Variants in AGMO observed in about 807,000 individuals in gnomAD.
The protein encoded by AGMO is glyceryl-ether monooxygenase.
In AGMO, 75 loss-of-function variants were observed where a neutral mutation model predicts 60.2. The ratio of observed to expected loss-of-function variants is 1.25; its 90% CI spans 1.03 to 1.51. The LOEUF is 1.51. AGMO is among the 40% of genes most tolerant of loss of function. The pLI is 0.00. For synonymous variants in AGMO, 261 were observed against 177.1 expected, an observed-to-expected ratio of 1.47 and a Z score of -3.76; for missense variants, 763 against 525.5, an observed-to-expected ratio of 1.45 and a Z score of -4.42.
rs1291078592 is a variant in AGMO at position 15,243,189 on chromosome 7, A to T, written c.1264-41830T>A. On this transcript the variant is annotated intron_variant, in intron 12 of 12. Transcript: ENST00000342526. ...ATTGCTTTTATAATCCTACTCACTAAATCCAAATCATCAGGAAAATGAACA... is the reference window on the plus strand; with the variant it reads ...ATTGCTTTTATAATCCTACTCACTATATCCAAATCATCAGGAAAATGAACA... Among the ~76,000 whole-genome samples, 3 of 152,252 alleles carry T rather than the reference A, an allele frequency of 2.0e-5. No individual in the cohort carries two copies. In the East Asian group the frequency reaches 5.8e-4, roughly 29 times the overall value.
At chr7:15,548,191 G>C (rs1037442766) in intron 2 of AGMO, among the ~76,000 whole-genome samples, 6 of 152,136 alleles carry the variant, frequency 3.9e-5, no homozygotes, top group African/African-American at 1.2e-4. Context: ...AAGACCAAAA[G>C]TAGATAAAAC....
intron 3 of AGMO, among the ~76,000 whole-genome samples, chr7:15,431,657 G>C (rs566676253): frequency 4.4e-4 from 67 of 151,886 alleles, no homozygotes; most frequent in Admixed American, 3.3e-3. Context: ...TAAGTTCTCA[G>C]GTACTCTTTT....
At chr7:15,396,488 G>C (rs553574506) in intron 5 of AGMO, 1 of 152,230 alleles carries the variant, frequency 6.6e-6, no homozygotes, top group Non-Finnish European at 1.5e-5. Context: ...ACGTGGCAGG[G>C]ACCCAAAGAA....
intron 4 of AGMO, among the ~76,000 whole-genome samples, chr7:15,427,262 T>C (rs1189252043): frequency 6.6e-6 from 1 of 152,174 alleles, no homozygotes; most frequent in Non-Finnish European, 1.5e-5. Context: ...CACATGCACG[T>C]GTAGCTGTGT....
chr7:15,357,190 CGT>C (rs36124819), intron 12 of AGMO, among the ~76,000 whole-genome samples: 7,573 of 144,314 alleles, frequency 0.052, 215 homozygotes, highest in African/African-American at 0.074. Context: ...TATGAATATT[CGT>C]GTGTGTGTGT....
chr7:15,351,304 C>T (rs1230991581), intron 12 of AGMO, among the ~76,000 whole-genome samples: 2 of 151,978 alleles, frequency 1.3e-5, no homozygotes, highest in African/African-American at 4.8e-5. Context: ...CTCACTTCTC[C>T]GCCATTATGT....
the AGMO span, among the ~76,000 whole-genome samples, chr7:15,173,471 A>G: frequency 1.3e-5 from 2 of 152,202 alleles, no homozygotes; most frequent in African/African-American, 4.8e-5. Flanking sequence ...AGCAAGATCT[A>G]GCCCCTGTAA....
intron 5 of AGMO, among the ~76,000 whole-genome samples, chr7:15,412,108 G>T (rs78755492): frequency 6.6e-6 from 1 of 151,958 alleles, no homozygotes; most frequent in African/African-American, 2.4e-5. Context: ...GAAAACTTCT[G>T]CTTTCTATTA....
At chr7:15,536,959 T>C (rs1283867672) in intron 3 of AGMO, among the ~76,000 whole-genome samples, 1 of 152,074 alleles carries the variant, frequency 6.6e-6, no homozygotes, top group Non-Finnish European at 1.5e-5. Context: ...TTTTGTGTGC[T>C]AATGCATCAT....
chr7:15,489,636 G>A (rs560923036), intron 3 of AGMO, among the ~76,000 whole-genome samples: 27 of 152,082 alleles, frequency 1.8e-4, no homozygotes, highest in Non-Finnish European at 3.7e-4. Context: ...GATCCTCTTG[G>A]CATCAACACT....
intron 12 of AGMO, among the ~76,000 whole-genome samples, chr7:15,290,729 A>G (rs1452569059): frequency 6.6e-6 from 1 of 152,148 alleles, no homozygotes; most frequent in Non-Finnish European, 1.5e-5. Context: ...ATTTTATCAA[A>G]TCATCAAAAA....
chr7:15,348,927 C>T (rs769351561), intron 12 of AGMO, among the ~76,000 whole-genome samples: 4 of 152,032 alleles, frequency 2.6e-5, no homozygotes, highest in Non-Finnish European at 1.5e-5. Flanking sequence ...GAAAATAGAA[C>T]CTCAAAGTTC....
intron 5 of AGMO, among the ~76,000 whole-genome samples, chr7:15,403,242 G>A (rs555342128): frequency 6.6e-6 from 1 of 151,278 alleles, no homozygotes; most frequent in Admixed American, 6.6e-5. Context: ...GTGTAGATGT[G>A]TGCTTTTATT....
intron 10 of AGMO, among the ~76,000 whole-genome samples, chr7:15,382,413 C>T (rs567150042): frequency 3.7e-4 from 56 of 152,120 alleles, no homozygotes; most frequent in Non-Finnish European, 7.9e-4. Context: ...GTATAATTTA[C>T]TCATGGTTAA....
chr7:15,165,407 A>G, the AGMO span, among the ~76,000 whole-genome samples: 1 of 152,168 alleles, frequency 6.6e-6, no homozygotes. Flanking sequence ...GAAAGTTACC[A>G]TAAAAGACAA....
intron 12 of AGMO, among the ~76,000 whole-genome samples, chr7:15,226,728 A>G (rs1311804475): frequency 6.6e-6 from 1 of 152,122 alleles, no homozygotes; most frequent in African/African-American, 2.4e-5. Flanking sequence ...CCAACAGTAC[A>G]TTCAATTATT....
At chr7:15,368,474 G>C (rs1027895240) in intron 10 of AGMO, among the ~76,000 whole-genome samples, 1 of 152,068 alleles carries the variant, frequency 6.6e-6, no homozygotes, top group South Asian at 2.1e-4. Context: ...TAAGAACACA[G>C]AATTTGTTTT....
At position 15,202,458 on chromosome 7, in the gene AGMO, C is replaced by CAAAAAAAAAAAAAAAAAAAA. The variant is rs71004370; in HGVS notation, c.1264-1119_1264-1100dup. 4.2e-4 allele frequency among the ~76,000 whole-genome samples: 19 copies of CAAAAAAAAAAAAAAAAAAAA among 45,366 alleles called. 4 individuals are homozygous for CAAAAAAAAAAAAAAAAAAAA. The highest frequency in any genetic ancestry group is 9.4e-4 in the Admixed American group (3 of 3,206). The allele number at this position is 45,366 out of a possible 152,430, so 29.8% of individuals were successfully genotyped here. On this transcript the variant is annotated intron_variant, in intron 12 of 12. Transcript: ENST00000342526. ...CACCAACAACCAAAATACAAATGAG[C>CAAAAAAAAAAAAAAAAAAAA]AAAAAAAAAAAAAAAAAAAAAAAAA...
chr7:15,483,515 G>A (rs1782820759), intron 3 of AGMO, among the ~76,000 whole-genome samples: 2 of 152,050 alleles, frequency 1.3e-5, no homozygotes, highest in African/African-American at 4.8e-5. Context: ...GCAGTGAGCC[G>A]CGATAGATCG....
Sources: gnomAD v4.1 joint callset for allele counts (sites outside exome capture counted in the v4.1 genomes callset) on GRCh38, gnomAD v4.1.1 for gene constraint, MANE v1.5 for transcripts, NCBI Gene and HGNC (gene_info 2026-07-23, HGNC 2026-07-21) for gene names.